POLD2: variants seen among roughly 807,000 people sequenced by gnomAD.
POLD2 encodes the protein DNA polymerase delta subunit 2.
POLD2 carries 31 observed loss-of-function variants against 48.8 expected under a neutral mutation model. The observed-to-expected ratio is 0.64, with a 90% CI of 0.48 to 0.86. The LOEUF is 0.86. Ranked by LOEUF, POLD2 falls within the 40% of genes least tolerant of loss-of-function variation. The probability of loss-of-function intolerance (pLI) is 0.00; values close to 1 mark genes in which losing one functional copy is unlikely to be tolerated. For missense variants in POLD2, 455 were observed against 610.1 expected (o/e 0.75, Z 2.68); for synonymous variants, 233 against 256.3 (o/e 0.91, Z 0.87).
rs530029438 is a variant in POLD2, at chr7:44,115,324, G to A, written c.1220C>T (p.Thr407Ile). ...ECPHVYFCGN[T>I]PSFGSKIIRG... ...GATGATTTTGGAGCCAAAGCTGGGG[G>A]TGTTGCCACAAAAGTAGACATGCGG... The change falls in exon 10 of 11, where the codon ACC becomes ATC. Residue 407 changes from threonine to isoleucine, a missense_variant. By Grantham distance (89) the Thr-to-Ile change is moderately conservative (BLOSUM62 -1). Around this residue, in one of 3 missense-constraint regions of POLD2, gnomAD observed 98 missense variants for 138.6 expected, o/e 0.71. Transcript: ENST00000610533. 1 of 1,613,772 alleles carries A rather than the reference G, an allele frequency of 6.2e-7. No individual in the cohort carries two copies. Among genetic ancestry groups the A allele is most frequent in the East Asian group, 2.2e-5 (1 of 44,892 alleles).
At position 44,115,290 on chromosome 7, in the gene POLD2, A is replaced by G. The variant is rs758309681; in HGVS notation, c.1249+5T>C. On this transcript the variant is annotated splice_donor_5th_base_variant and intron_variant, in intron 10 of 10. Coordinates refer to ENST00000610533, the MANE Select transcript of POLD2 (RefSeq NM_006230.4). ...CAGCCTGGGCCCCCAGAAGACAAAAATTACCTCGGATGATTTTGGAGCCAA... is the reference window on the plus strand; with the variant it reads ...CAGCCTGGGCCCCCAGAAGACAAAAGTTACCTCGGATGATTTTGGAGCCAA... 1 of 1,603,778 alleles carries G rather than the reference A, an allele frequency of 6.2e-7. No individual in the cohort carries two copies. The highest frequency in any genetic ancestry group is 1.7e-5 in the Admixed American group (1 of 60,016).
chr7:44,122,304 A>G, intron 1 of POLD2, 195 bp from the exon 2 acceptor site: 2 of 1,387,308 alleles, frequency 1.4e-6, no homozygotes, highest in South Asian at 1.7e-5. Flanking sequence ...ATCCAAAAAG[A>G]GAAAAGGAAA....
rs2096238511 is a variant in POLD2 at position 44,116,020 on chromosome 7, G to A, written c.1019+95C>T. Reference sequence around the variant, plus strand: ...AACAGATGCTAGGTGGGCCTCTGCAGCCCTGCCACCTTCCTGGGCCCTCCC... The same window carrying A: ...AACAGATGCTAGGTGGGCCTCTGCAACCCTGCCACCTTCCTGGGCCCTCCC... On this transcript the variant is annotated intron_variant, in intron 8 of 10. Transcript: ENST00000610533. The surrounding 1 kb of genome is among the most constrained non-coding windows in gnomAD (Gnocchi z 6.1). 1 of 1,595,014 alleles carries A rather than the reference G, an allele frequency of 6.3e-7. No homozygotes were observed. The highest frequency in any genetic ancestry group is 8.6e-7 in the Non-Finnish European group (1 of 1,165,110).
chr7:44,116,320 C>T lies in POLD2; in HGVS notation c.862-48G>A. On this transcript the variant is annotated intron_variant, in intron 7 of 10. Transcript: ENST00000610533. This position sits in a 1 kb window ranked among gnomAD's most constrained non-coding sequence, Gnocchi z 6.1. ...AGCTCACAGGGCCCCGAAGGAGCCC[C>T]CTACACCAACTCCGGCCACTCCCCC... 6.3e-7 allele frequency: 1 copy of T among 1,597,870 alleles called. No homozygotes were observed. Among genetic ancestry groups the T allele is most frequent in the Non-Finnish European group, 8.5e-7 (1 of 1,170,214 alleles).
chr7:44,124,105 A>G (rs1372950542), upstream of POLD2, among the ~76,000 whole-genome samples: 2 of 151,828 alleles, frequency 1.3e-5, no homozygotes, highest in Non-Finnish European at 2.9e-5. Flanking sequence ...CGTCCGGGAA[A>G]CGCATTGGCG....
chr7:44,120,973 T>C (rs149847873), intron 2 of POLD2, among the ~76,000 whole-genome samples: 2 of 152,320 alleles, frequency 1.3e-5, no homozygotes, highest in Non-Finnish European at 2.9e-5. Context: ...AGAATTGATC[T>C]TGGCTTGGCA....
In POLD2 at chr7:44,116,003, C is replaced by T; in HGVS notation, c.1020-110G>A. 6.3e-6 allele frequency: 10 copies of T among 1,594,670 alleles called. No individual in the cohort carries two copies. Among genetic ancestry groups the T allele is most frequent in the Non-Finnish European group, 8.6e-6 (10 of 1,165,358 alleles). On this transcript the variant is annotated intron_variant, in intron 8 of 10. Coordinates refer to ENST00000610533, the MANE Select transcript of POLD2 (RefSeq NM_006230.4). This position sits in a 1 kb window ranked among gnomAD's most constrained non-coding sequence, Gnocchi z 6.1. ...ATGCCCCAGAGAGAAGGAACAGATGCTAGGTGGGCCTCTGCAGCCCTGCCA... is the reference window on the plus strand; with the variant it reads ...ATGCCCCAGAGAGAAGGAACAGATGTTAGGTGGGCCTCTGCAGCCCTGCCA...
At position 44,116,448 on chromosome 7, in the gene POLD2, C is replaced by T; in HGVS notation, c.843G>A (p.Glu281=). ...CGCTCACGCTCAGCTGCAGGAGGAT[C>T]TCATCCAGCATCTTAACAGCCTCCA... The part of the protein sequence containing the change: ...ASVEAVKMLD[E]ILLQLSASVP... Residue 281 remains glutamate (E), a synonymous_variant, in exon 7 of 11, where the codon GAG becomes GAA. Coordinates refer to ENST00000610533, the MANE Select transcript of POLD2 (RefSeq NM_006230.4). This position sits in a 1 kb window ranked among gnomAD's most constrained non-coding sequence, Gnocchi z 6.1. 1.9e-6 allele frequency: 3 copies of T among 1,581,878 alleles called. No individual in the cohort carries two copies. Among genetic ancestry groups the T allele is most frequent in the Non-Finnish European group, 8.6e-7 (1 of 1,163,264 alleles).
chr7:44,115,073 T>C (rs1471232448), intron 10 of POLD2, 128 bp from the exon 11 acceptor site: 1 of 921,220 alleles, frequency 1.1e-6, no homozygotes, highest in African/African-American at 1.7e-5. Flanking sequence ...GACCAGAGAT[T>C]AGCCTTGAGA....
At position 44,117,620 on chromosome 7, in the gene POLD2, C is replaced by T. The variant is rs770681535; in HGVS notation, c.465G>A (p.Thr155=). The T allele has an allele frequency of 1.0e-5, 16 of 1,602,458 alleles. No homozygotes were observed. In the African/African-American group the frequency reaches 1.1e-4, roughly 11 times the overall value. ...ACATCCTCTCATTGGGCTCCCTACC[C>T]GTAACCAGCTTTGACACGTCAATGG... ...KGTIDVSKLV[T]GTVLAVFGSV... Residue 155 remains threonine (T), a splice_region_variant and synonymous_variant, in exon 4 of 11, where the codon ACG becomes ACA. Transcript: ENST00000610533.
rs1420247783 is a variant in POLD2 at position 44,121,976 on chromosome 7, C to T, written c.78G>A (p.Arg26=). Residue 26 remains arginine, a synonymous_variant, in exon 2 of 11, where the codon CGG becomes CGA. Coordinates refer to ENST00000610533, the MANE Select transcript of POLD2 (RefSeq NM_006230.4). The surrounding 1 kb of genome is among the most constrained non-coding windows in gnomAD (Gnocchi z 4.5). ...PPSANNATFA[R]VPVATYTNSS... ...AGTTGGTGTAGGTTGCCACTGGCAC[C>T]CGGGCAAAGGTGGCATTGTTGGCTG... 20 of 1,613,740 alleles carry T rather than the reference C, an allele frequency of 1.2e-5. No individual in the cohort carries two copies. Among genetic ancestry groups the T allele is most frequent in the Non-Finnish European group, 1.5e-5 (18 of 1,180,042 alleles).
At chr7:44,123,684 G>A, upstream of POLD2, 1 of 1,356,494 alleles carries the variant, frequency 7.4e-7, no homozygotes, top group African/African-American at 1.5e-5. Flanking sequence ...CCCAGTCCCT[G>A]GGACGCCCAG....
chr7:44,115,276 C>A lies in POLD2; in HGVS notation c.1249+19G>T, dbSNP rs763787720. 1 of 1,553,350 alleles carries A rather than the reference C, an allele frequency of 6.4e-7. No individual in the cohort carries two copies. The highest frequency in any genetic ancestry group is 1.7e-5 in the Admixed American group (1 of 59,938). On this transcript the variant is annotated intron_variant, in intron 10 of 10. Coordinates refer to ENST00000610533, the MANE Select transcript of POLD2 (RefSeq NM_006230.4). ...GCAAATCAGCAAATCAGCCTGGGCCCCCAGAAGACAAAAATTACCTCGGAT... is the reference window on the plus strand; with the variant it reads ...GCAAATCAGCAAATCAGCCTGGGCCACCAGAAGACAAAAATTACCTCGGAT...
At position 44,121,682 on chromosome 7, in the gene POLD2, C is replaced by T. The variant is rs1206983559; in HGVS notation, c.220+152G>A. The T allele has an allele frequency of 3.8e-5, 29 of 771,336 alleles. No individual in the cohort carries two copies. In the Admixed American group the frequency reaches 6.0e-4, roughly 16 times the overall value. The allele number at this position is 771,336 out of a possible 1,614,324, so 47.8% of individuals were successfully genotyped here. On this transcript the variant is annotated intron_variant, in intron 2 of 10. Transcript: ENST00000610533. The surrounding 1 kb of genome is among the most constrained non-coding windows in gnomAD (Gnocchi z 4.5). ...AAATTACTTAATTTAATCCTTGTTA[C>T]TATCTTAAGAAGAAACTGAGGGAAA...
At chr7:44,117,802 T>C in intron 3 of POLD2, 60 bp from the exon 4 acceptor site, 1 of 1,608,408 alleles carries the variant, frequency 6.2e-7, no homozygotes, top group Non-Finnish European at 8.5e-7. Flanking sequence ...GCTCTGGTGT[T>C]AGTGAGCTGG....
Position 44,116,765 on chromosome 7 carries a change from A to G in POLD2, c.780+52T>C. On this transcript the variant is annotated intron_variant, in intron 6 of 10. Coordinates refer to ENST00000610533, the MANE Select transcript of POLD2 (RefSeq NM_006230.4). The surrounding 1 kb of genome is among the most constrained non-coding windows in gnomAD (Gnocchi z 6.1). ...TCGCCCTGGGGAAGGAGGGTCTTAC[A>G]GGCTTGCAGGCTCCTGGGCTGGGGC... 2 of 1,587,798 alleles carry G rather than the reference A, an allele frequency of 1.3e-6. No individual in the cohort carries two copies. Among genetic ancestry groups the G allele is most frequent in the South Asian group, 2.2e-5 (2 of 90,370 alleles).
At position 44,116,204 on chromosome 7, in the gene POLD2, G is replaced by A. The variant is rs1197507789; in HGVS notation, c.930C>T (p.Pro310=). The A allele has an allele frequency of 6.2e-7, 1 of 1,613,984 alleles. No homozygotes were observed. The highest frequency in any genetic ancestry group is 1.1e-5 in the South Asian group (1 of 91,072). The change falls in exon 8 of 11, where the codon CCC becomes CCT. Residue 310 remains proline (P), a synonymous_variant. Coordinates refer to ENST00000610533, the MANE Select transcript of POLD2 (RefSeq NM_006230.4). This position sits in a 1 kb window ranked among gnomAD's most constrained non-coding sequence, Gnocchi z 6.1. ...CCAGCGGGAACATGCAGGGGTGGAGGGGCTGCTGGGGGAGCGTGTAATTGG... is the reference window on the plus strand; with the variant it reads ...CCAGCGGGAACATGCAGGGGTGGAGAGGCTGCTGGGGGAGCGTGTAATTGG... ...DPTNYTLPQQ[P]LHPCMFPLAT... is the part of the protein sequence containing the mutation.
intron 1 of POLD2, 121 bp from the exon 2 acceptor site, chr7:44,122,230 C>G: frequency 7.0e-7 from 1 of 1,428,750 alleles, no homozygotes; most frequent in African/African-American, 1.4e-5. Context: ...TAGTTGACAC[C>G]AGACATTGTG....
chr7:44,123,300 T>C (rs2096250655), intron 1 of POLD2: 8 of 1,364,940 alleles, frequency 5.9e-6, no homozygotes, highest in Non-Finnish European at 6.6e-6. Context: ...GGCTCGAACG[T>C]GCTTGATGGC....
Sources: allele counts gnomAD v4.1 joint callset (sites outside exome capture counted in the v4.1 genomes callset), GRCh38; gene constraint gnomAD v4.1.1; regional missense constraint gnomAD v4.1.1; non-coding constraint Gnocchi (gnomAD v3.1); transcripts MANE v1.5; gene names NCBI Gene and HGNC (gene_info 2026-07-23, HGNC 2026-07-21).